CCNY: variants seen among roughly 807,000 people sequenced by gnomAD.
CCNY encodes cyclin Y.
In CCNY, 19 loss-of-function variants were observed where a neutral mutation model predicts 42.8. The observed-to-expected ratio is 0.44, with a 90% CI of 0.31 to 0.65. The LOEUF (loss-of-function observed/expected upper bound fraction) is 0.65. Among genes scored for constraint, CCNY ranks in the 30% least tolerant of loss-of-function variants. CCNY has a pLI of 0.07. For synonymous variants in CCNY, 165 were observed against 162.7 expected (o/e 1.01, Z -0.11); for missense variants, 370 against 437.3 (o/e 0.85, Z 1.37).
intron 7 of CCNY, among the ~76,000 whole-genome samples, chr10:35,546,851 A>G (rs1476386076): frequency 6.6e-6 from 1 of 152,224 alleles, no homozygotes; most frequent in Non-Finnish European, 1.5e-5. Context: ...AGAAGAAAAC[A>G]TAGTCAGCTT....
chr10:35,567,822 G>A (rs1841602366), intron 9 of CCNY, among the ~76,000 whole-genome samples: 1 of 152,224 alleles, frequency 6.6e-6, no homozygotes, highest in Admixed American at 6.5e-5. Flanking sequence ...ACTCAGCCAT[G>A]CCCCTGTGAT....
At chr10:35,447,925 C>T (rs565508184) in intron 1 of CCNY, among the ~76,000 whole-genome samples, 1 of 152,316 alleles carries the variant, frequency 6.6e-6, no homozygotes, top group South Asian at 2.1e-4. Flanking sequence ...CCTGGCATTT[C>T]CCGTGATGAA....
intron 1 of CCNY, among the ~76,000 whole-genome samples, chr10:35,462,028 G>A (rs1839167966): frequency 6.6e-6 from 1 of 151,914 alleles, no homozygotes; most frequent in Admixed American, 6.6e-5. Context: ...TTCAATGGTG[G>A]CCACACTCTA....
intron 1 of CCNY, among the ~76,000 whole-genome samples, chr10:35,437,944 A>T (rs1191733130): frequency 6.6e-6 from 1 of 152,174 alleles, no homozygotes; most frequent in Admixed American, 6.5e-5. Context: ...AAAATAGTGT[A>T]CAGGAAAACT....
chr10:35,529,660 C>T (rs1282553149), intron 5 of CCNY, among the ~76,000 whole-genome samples: 2 of 151,370 alleles, frequency 1.3e-5, no homozygotes, highest in African/African-American at 2.4e-5. Flanking sequence ...GTCAGGAGTT[C>T]GAGACCAGCC....
intron 2 of CCNY, among the ~76,000 whole-genome samples, chr10:35,486,258 A>G (rs1839785518): frequency 1.3e-5 from 2 of 152,196 alleles, no homozygotes; most frequent in African/African-American, 4.8e-5. Context: ...GTGACATCAT[A>G]TTGGCGGCTT....
intron 1 of CCNY, among the ~76,000 whole-genome samples, chr10:35,348,770 G>T (rs1192973219): frequency 6.6e-6 from 1 of 152,214 alleles, no homozygotes; most frequent in Non-Finnish European, 1.5e-5. Flanking sequence ...AATGGTTCGG[G>T]CTGGACAGCT....
At chr10:35,398,162 C>T (rs1344725596) in intron 1 of CCNY, among the ~76,000 whole-genome samples, 2 of 152,140 alleles carry the variant, frequency 1.3e-5, no homozygotes, top group Non-Finnish European at 2.9e-5. Context: ...AGTGGGGGTC[C>T]CGTCTGCTGC....
chr10:35,386,126 A>G (rs2474533), intron 1 of CCNY, among the ~76,000 whole-genome samples: 64,944 of 152,088 alleles, frequency 0.43, 14,874 homozygotes, highest in African/African-American at 0.59. Flanking sequence ...TCACGTTCCT[A>G]TAGAAGAGAG....
chr10:35,363,054 T>C (rs1382058026), intron 1 of CCNY, among the ~76,000 whole-genome samples: 1 of 138,258 alleles, frequency 7.2e-6, no homozygotes, highest in Non-Finnish European at 1.5e-5. Flanking sequence ...GAGACGCTCC[T>C]CACTTCCCAG....
At chr10:35,467,190 T>C (rs1352617166) in intron 1 of CCNY, among the ~76,000 whole-genome samples, 4 of 152,240 alleles carry the variant, frequency 2.6e-5, no homozygotes, top group African/African-American at 7.2e-5. Flanking sequence ...ATTATAGATG[T>C]ATTTTGGCTT....
chr10:35,374,193 G>A (rs1022998354), intron 1 of CCNY, among the ~76,000 whole-genome samples: 9 of 152,216 alleles, frequency 5.9e-5, no homozygotes, highest in Non-Finnish European at 1.2e-4. Context: ...AGGCCTAGAA[G>A]TTTTAGTGCA....
intron 2 of CCNY, among the ~76,000 whole-genome samples, chr10:35,499,244 G>A (rs1282060218): frequency 6.6e-6 from 1 of 152,184 alleles, no homozygotes; most frequent in Non-Finnish European, 1.5e-5. Context: ...CCACGTAGCT[G>A]GGGAGGCGTC....
At chr10:35,354,224 C>T (rs1347369666) in intron 1 of CCNY, among the ~76,000 whole-genome samples, 1 of 143,142 alleles carries the variant, frequency 7.0e-6, no homozygotes, top group African/African-American at 2.6e-5. Context: ...CTCACTCTGT[C>T]GCTCAGGCTG....
chr10:35,473,846 G>A (rs1459075688), intron 1 of CCNY, among the ~76,000 whole-genome samples: 11 of 152,126 alleles, frequency 7.2e-5, no homozygotes, highest in African/African-American at 9.7e-5. Flanking sequence ...CCTGAGCGAC[G>A]CAGAAGACGG....
chr10:35,476,570 A>G (rs1246718530), intron 1 of CCNY, among the ~76,000 whole-genome samples: 1 of 151,868 alleles, frequency 6.6e-6, no homozygotes, highest in African/African-American at 2.4e-5. Flanking sequence ...AGAAATAAAG[A>G]TGTTCTTTGA....
chr10:35,408,955 T>G lies in CCNY; in HGVS notation c.154+71748T>G, dbSNP rs116197036. Among the ~76,000 whole-genome samples the G allele has an allele frequency of 2.2e-3, 333 of 152,212 alleles. 1 individual carries two copies. Among genetic ancestry groups the G allele is most frequent in the African/African-American group, 7.6e-3 (317 of 41,526 alleles). On this transcript the variant is annotated intron_variant, in intron 1 of 9. Coordinates refer to ENST00000374704, the MANE Select transcript of CCNY (RefSeq NM_145012.6). The stretch of plus-strand genomic sequence containing the variant: ...CCTGCTCAATTCTTGTTTTTGTTTT[T>G]TTTTTTTCATTCTAGTTATGAAGAA...
intron 7 of CCNY, among the ~76,000 whole-genome samples, chr10:35,546,857 A>T (rs528496233): frequency 2.6e-4 from 39 of 152,350 alleles, no homozygotes; most frequent in African/African-American, 9.4e-4. Flanking sequence ...AAACATAGTC[A>T]GCTTTTTGTA....
intron 4 of CCNY, among the ~76,000 whole-genome samples, chr10:35,524,696 G>A (rs373224615): frequency 7.2e-5 from 11 of 152,224 alleles, no homozygotes; most frequent in Middle Eastern, 3.4e-3. Context: ...TTTTGAAAGA[G>A]GAAATTTTAA....
Sources: gnomAD v4.1 joint callset for allele counts (sites outside exome capture counted in the v4.1 genomes callset) on GRCh38, gnomAD v4.1.1 for gene constraint, MANE v1.5 for transcripts, NCBI Gene and HGNC (gene_info 2026-07-23, HGNC 2026-07-21) for gene names.